EYA2: variants seen among roughly 807,000 people sequenced by gnomAD.
EYA2 encodes EYA transcriptional coactivator and phosphatase 2.
EYA2 carries 31 observed loss-of-function variants against 69.2 expected under a neutral mutation model. That is an observed-to-expected ratio of 0.45 (90% confidence interval 0.34 to 0.60). The LOEUF is 0.60. Among genes scored for constraint, EYA2 ranks in the 20% least tolerant of loss-of-function variants. The probability of loss-of-function intolerance (pLI) is 0.02; values close to 1 mark genes in which losing one functional copy is unlikely to be tolerated. For missense variants in EYA2, 622 were observed against 701.2 expected (o/e 0.89, Z 1.28); for synonymous variants, 257 against 279.4 (o/e 0.92, Z 0.80).
At chr20:46,916,597 C>A (rs1406605237) in intron 1 of EYA2, among the ~76,000 whole-genome samples, 1 of 152,290 alleles carries the variant, frequency 6.6e-6, no homozygotes, top group South Asian at 2.1e-4. Flanking sequence ...TGGGCTTTAC[C>A]ATACATTTAA....
At chr20:47,040,720 C>A (rs980142814) in intron 5 of EYA2, among the ~76,000 whole-genome samples, 1 of 152,132 alleles carries the variant, frequency 6.6e-6, no homozygotes, top group Admixed American at 6.5e-5. Flanking sequence ...CTTGAGGTCA[C>A]ACAGGTAAGA....
At chr20:47,051,347 G>T (rs746547141) in intron 5 of EYA2, among the ~76,000 whole-genome samples, 55 of 152,234 alleles carry the variant, frequency 3.6e-4, no homozygotes, top group Non-Finnish European at 8.8e-5. Context: ...GGAAGAAGTA[G>T]GGGGGCGGAT....
chr20:47,069,372 G>C (rs1038003422), intron 5 of EYA2, among the ~76,000 whole-genome samples: 3 of 152,142 alleles, frequency 2.0e-5, no homozygotes, highest in Non-Finnish European at 4.4e-5. Context: ...GTGGGCACCT[G>C]TAATCCCTTG....
In EYA2 at chr20:46,987,964, C is replaced by CTATATATATA. The variant is rs71183225; in HGVS notation, c.-10-2013_-10-2004dup. ...TCTCTCTCTCTCTCTCTCTCTCTCT[C>CTATATATATA]TATATATATATATATATATATATAT... On this transcript the variant is annotated intron_variant, in intron 1 of 15. Coordinates refer to ENST00000327619, the MANE Select transcript of EYA2 (RefSeq NM_005244.5). Among the ~76,000 whole-genome samples the CTATATATATA allele has an allele frequency of 5.2e-3, 58 of 11,226 alleles. 5 individuals carry two copies. Among genetic ancestry groups the CTATATATATA allele is most frequent in the Non-Finnish European group, 5.4e-3 (32 of 5,930 alleles). The allele number at this position is 11,226 out of a possible 152,430, so 7.4% of individuals were successfully genotyped here.
intron 9 of EYA2, among the ~76,000 whole-genome samples, chr20:47,119,824 C>G (rs2032998455): frequency 6.6e-6 from 1 of 152,224 alleles, no homozygotes; most frequent in South Asian, 2.1e-4. Context: ...CCCAGCATTT[C>G]AGGAGGCTGA....
At chr20:46,978,968 CAG>C (rs1238710376) in intron 1 of EYA2, among the ~76,000 whole-genome samples, 1 of 152,242 alleles carries the variant, frequency 6.6e-6, no homozygotes, top group African/African-American at 2.4e-5. Flanking sequence ...TGGAGGCTGT[CAG>C]AGACGTCCAG....
At chr20:46,998,119 A>T in intron 2 of EYA2, 1 of 165,134 alleles carries the variant, frequency 6.1e-6, no homozygotes, top group South Asian at 1.7e-4. Flanking sequence ...TGGCACTGCC[A>T]AGGCTGTGGC....
chr20:46,974,844 C>A (rs1368465425), intron 1 of EYA2, among the ~76,000 whole-genome samples: 2 of 152,024 alleles, frequency 1.3e-5, no homozygotes, highest in East Asian at 1.9e-4. Flanking sequence ...TCAAGCAGAA[C>A]ATGTGTGGTC....
At chr20:46,936,682 A>C (rs1420094128) in intron 1 of EYA2, among the ~76,000 whole-genome samples, 1 of 152,046 alleles carries the variant, frequency 6.6e-6, no homozygotes, top group East Asian at 1.9e-4. Flanking sequence ...ATCAGACTCA[A>C]ACCCTTCTCC....
intron 9 of EYA2, among the ~76,000 whole-genome samples, chr20:47,132,164 G>T (rs2033358320): frequency 6.6e-6 from 1 of 152,056 alleles, no homozygotes; most frequent in Non-Finnish European, 1.5e-5. Context: ...GTCCAAGCTG[G>T]TCTTCAGTTC....
intron 5 of EYA2, among the ~76,000 whole-genome samples, chr20:47,047,121 T>C (rs560295225): frequency 6.6e-6 from 1 of 152,304 alleles, no homozygotes; most frequent in South Asian, 2.1e-4. Context: ...TGCATCCCCA[T>C]GAATATCCAC....
At chr20:47,091,712 T>G (rs2032091744) in intron 8 of EYA2, among the ~76,000 whole-genome samples, 1 of 150,958 alleles carries the variant, frequency 6.6e-6, no homozygotes, top group South Asian at 2.1e-4. Flanking sequence ...ACCACTGCAC[T>G]CCAGCCTGGG....
intron 1 of EYA2, among the ~76,000 whole-genome samples, chr20:46,976,602 G>T (rs1980480651): frequency 6.6e-6 from 1 of 152,144 alleles, no homozygotes. Context: ...AGCCAGGATG[G>T]TCTCGATCTC....
intron 5 of EYA2, among the ~76,000 whole-genome samples, chr20:47,020,357 T>G (rs1156392059): frequency 3.3e-5 from 5 of 152,164 alleles, no homozygotes; most frequent in Non-Finnish European, 5.9e-5. Context: ...AGGCCCTGGT[T>G]TGAGATCTGT....
intron 2 of EYA2, among the ~76,000 whole-genome samples, chr20:46,992,469 G>A (rs1354471026): frequency 6.6e-6 from 1 of 152,190 alleles, no homozygotes; most frequent in Non-Finnish European, 1.5e-5. Context: ...AGACATGGAA[G>A]TTGGGGCATG....
At chr20:47,004,106 A>T (rs1353739520) in intron 3 of EYA2, among the ~76,000 whole-genome samples, 1 of 152,228 alleles carries the variant, frequency 6.6e-6, no homozygotes, top group African/African-American at 2.4e-5. Context: ...TCCATGGAGT[A>T]GAGAAGTCAT....
At chr20:47,186,889 T>C (rs548539661) in intron 15 of EYA2, among the ~76,000 whole-genome samples, 3 of 152,268 alleles carry the variant, frequency 2.0e-5, no homozygotes, top group East Asian at 3.9e-4. Context: ...CATGCACATA[T>C]ATATACAATT....
chr20:47,100,378 G>A (rs536376251), intron 9 of EYA2, among the ~76,000 whole-genome samples: 18 of 152,278 alleles, frequency 1.2e-4, no homozygotes, highest in Admixed American at 3.9e-4. Flanking sequence ...GCCCTCTTAG[G>A]GGGGGTGGAC....
intron 1 of EYA2, among the ~76,000 whole-genome samples, chr20:46,911,881 G>A (rs1984660889): frequency 7.1e-6 from 1 of 141,610 alleles, no homozygotes; most frequent in Non-Finnish European, 1.6e-5. Flanking sequence ...AGCACAGTAG[G>A]GTGACTGTAG....
Sources: allele counts gnomAD v4.1 joint callset (sites outside exome capture counted in the v4.1 genomes callset), GRCh38; gene constraint gnomAD v4.1.1; transcripts MANE v1.5; gene names NCBI Gene and HGNC (gene_info 2026-07-23, HGNC 2026-07-21).